The following LIN7A variants were observed in gnomAD, a reference collection of about 807,000 sequenced individuals.
LIN7A encodes protein lin-7 homolog A.
LIN7A carries 25 observed loss-of-function variants against 29.8 expected under a neutral mutation model. That is an observed-to-expected ratio of 0.84 (90% CI 0.61 to 1.17). The LOEUF is 1.17. LIN7A is among the 50% of genes most tolerant of loss of function. LIN7A has a pLI of 0.00. For missense variants in LIN7A, 239 were observed against 287.0 expected (o/e 0.83, Z 1.21); for synonymous variants, 118 against 107.5 (o/e 1.10, Z -0.60).
intron 4 of LIN7A, among the ~76,000 whole-genome samples, chr12:80,824,337 G>T (rs1392302954): frequency 2.6e-5 from 4 of 151,778 alleles, no homozygotes; most frequent in Non-Finnish European, 4.4e-5. Flanking sequence ...TCTCTGAACA[G>T]ACTAATAACA....
chr12:80,897,232 CTTTAT>C (rs1227817294), intron 1 of LIN7A, among the ~76,000 whole-genome samples: 4 of 151,384 alleles, frequency 2.6e-5, no homozygotes, highest in Non-Finnish European at 5.9e-5. Flanking sequence ...GATGTCTTTC[CTTTAT>C]ATTTGATGTC....
intron 2 of LIN7A, among the ~76,000 whole-genome samples, chr12:80,875,973 A>G (rs1874670323): frequency 6.6e-6 from 1 of 152,106 alleles, no homozygotes; most frequent in Admixed American, 6.6e-5. Context: ...ACAGAATTGG[A>G]ATCAACATGA....
chr12:80,850,189 T>C (rs1873261687), intron 2 of LIN7A, among the ~76,000 whole-genome samples: 1 of 152,162 alleles, frequency 6.6e-6, no homozygotes, highest in South Asian at 2.1e-4. Flanking sequence ...TTTCACAGAC[T>C]CTGAAGATGG....
chr12:80,930,967 T>C (rs1481303303), intron 1 of LIN7A, among the ~76,000 whole-genome samples: 1 of 152,184 alleles, frequency 6.6e-6, no homozygotes, highest in Admixed American at 6.5e-5. Flanking sequence ...GGGTTCTACA[T>C]AAACAAACCC....
In LIN7A at chr12:80,813,716, A is replaced by G. The variant is rs200938723; in HGVS notation, c.484-2033T>C. On this transcript the variant is annotated intron_variant, in intron 4 of 5. Transcript: ENST00000552864. ...CCAGGTTAGGATGATGGAGAAGCAA[A>G]AAGAAGAAAGTTGTAATTAGACTTT... Among the ~76,000 whole-genome samples the G allele has an allele frequency of 2.0e-5, 3 of 152,264 alleles. No individual in the cohort carries two copies. In the East Asian group the frequency reaches 5.8e-4, roughly 29 times the overall value.
At chr12:80,854,485 C>CAAAAAAAAAAAA (rs370465323) in intron 2 of LIN7A, among the ~76,000 whole-genome samples, 2 of 37,110 alleles carry the variant, frequency 5.4e-5, no homozygotes, top group Non-Finnish European at 1.0e-4. Context: ...TGTTGCTAAG[C>CAAAAAAAAAAAA]CAAAAAAAAA....
chr12:80,919,792 G>GCAA (rs1877208675), intron 1 of LIN7A, among the ~76,000 whole-genome samples: 1 of 152,138 alleles, frequency 6.6e-6, no homozygotes, highest in Non-Finnish European at 1.5e-5. Flanking sequence ...ACCAAAGAAA[G>GCAA]GCAGGATCCT....
intron 4 of LIN7A, among the ~76,000 whole-genome samples, chr12:80,842,701 G>T (rs539430633): frequency 2.6e-5 from 4 of 151,848 alleles, no homozygotes; most frequent in African/African-American, 9.7e-5. Context: ...CTCAGTGTTT[G>T]TTAGAAGCCC....
chr12:80,857,639 A>C (rs1409462103), intron 2 of LIN7A, among the ~76,000 whole-genome samples: 1 of 152,194 alleles, frequency 6.6e-6, no homozygotes, highest in African/African-American at 2.4e-5. Flanking sequence ...GAAATTATTC[A>C]TAATTTATGA....
chr12:80,810,748 A>G (rs987854500), intron 5 of LIN7A, among the ~76,000 whole-genome samples: 4 of 152,146 alleles, frequency 2.6e-5, no homozygotes, highest in African/African-American at 9.7e-5. Context: ...CCTCACTAGC[A>G]CTTGTTATCT....
At chr12:80,925,051 T>C (rs1407809026) in intron 1 of LIN7A, among the ~76,000 whole-genome samples, 1 of 152,216 alleles carries the variant, frequency 6.6e-6, no homozygotes, top group Non-Finnish European at 1.5e-5. Context: ...TACCTAGTTT[T>C]ACCCTCTAAA....
At chr12:80,813,527 C>T (rs2121514189) in intron 4 of LIN7A, among the ~76,000 whole-genome samples, 1 of 152,156 alleles carries the variant, frequency 6.6e-6, no homozygotes, top group East Asian at 1.9e-4. Context: ...CAAATAGGCA[C>T]ACATACTTAT....
rs865916321 is a variant in LIN7A, at chr12:80,925,570, A to G, written c.82+12071T>C. Among the ~76,000 whole-genome samples, 5 of 152,180 alleles carry G rather than the reference A, an allele frequency of 3.3e-5. No homozygotes were observed. In the South Asian group the frequency reaches 1.0e-3, roughly 32 times the overall value. ...ACACATTAACTCATTTAAAACCAAC[A>G]ACTTTATCGGGTCAGTGCTATTATT... On this transcript the variant is annotated intron_variant, in intron 1 of 5. Transcript: ENST00000552864.
chr12:80,872,840 C>T (rs1010602999), intron 2 of LIN7A, among the ~76,000 whole-genome samples: 2 of 152,152 alleles, frequency 1.3e-5, no homozygotes, highest in Non-Finnish European at 2.9e-5. Flanking sequence ...TTATAGAATC[C>T]AGTTGCAATT....
chr12:80,800,634 C>T (rs1359797345), intron 5 of LIN7A, among the ~76,000 whole-genome samples: 1 of 151,838 alleles, frequency 6.6e-6, no homozygotes, highest in Non-Finnish European at 1.5e-5. Context: ...GCACCCGACC[C>T]TGATAGGTTC....
At chr12:80,895,959 T>C (rs1181375912) in intron 1 of LIN7A, among the ~76,000 whole-genome samples, 1 of 152,218 alleles carries the variant, frequency 6.6e-6, no homozygotes, top group Admixed American at 6.5e-5. Flanking sequence ...TATGCTTCAC[T>C]ATTTGGTTAT....
intron 1 of LIN7A, among the ~76,000 whole-genome samples, chr12:80,911,176 A>G (rs1467710701): frequency 6.6e-6 from 1 of 152,100 alleles, no homozygotes; most frequent in Non-Finnish European, 1.5e-5. Flanking sequence ...CACTGACTCT[A>G]TAATCAAAAT....
At chr12:80,891,994 A>T (rs1875650938) in intron 1 of LIN7A, among the ~76,000 whole-genome samples, 1 of 152,196 alleles carries the variant, frequency 6.6e-6, no homozygotes. Flanking sequence ...ATAAGGGCAG[A>T]CTTGGCTTAA....
intron 5 of LIN7A, among the ~76,000 whole-genome samples, chr12:80,806,067 G>C (rs1323948299): frequency 6.6e-6 from 1 of 151,678 alleles, no homozygotes; most frequent in South Asian, 2.1e-4. Context: ...GACAGAGAGA[G>C]ACTCTGTATT....
Sources: gnomAD v4.1 joint callset for allele counts (sites outside exome capture counted in the v4.1 genomes callset) on GRCh38, gnomAD v4.1.1 for gene constraint, MANE v1.5 for transcripts, NCBI Gene and HGNC (gene_info 2026-07-23, HGNC 2026-07-21) for gene names.